The following ZNRF3 variants were observed in gnomAD, a reference collection of about 807,000 sequenced individuals.
ZNRF3 encodes E3 ubiquitin-protein ligase ZNRF3.
ZNRF3 carries 23 observed loss-of-function variants against 72.5 expected under a neutral mutation model. The observed-to-expected ratio is 0.32, with a 90% confidence interval of 0.23 to 0.45. ZNRF3 has a LOEUF of 0.45. ZNRF3 is among the 20% of genes least tolerant of loss of function. The pLI, the probability that ZNRF3 is intolerant of heterozygous loss-of-function variation, is 1.00. For synonymous variants in ZNRF3, 610 were observed against 545.3 expected, an observed-to-expected ratio of 1.12 and a Z score of -1.65; for missense variants, 1,169 against 1,272.1, an observed-to-expected ratio of 0.92 and a Z score of 1.23.
Position 29,053,914 on chromosome 22 carries a change from C to A in ZNRF3, c.*292C>A. On this transcript the variant is annotated 3_prime_UTR_variant, in exon 9 of 9. Transcript: ENST00000544604. ...GGGTTCCGAGGTGTGGGATTGAGTT[C>A]TCTGCTTTGTTTTTTTTTAAGATAT... 1 of 256,964 alleles carries A rather than the reference C, an allele frequency of 3.9e-6. No homozygotes were observed. Among genetic ancestry groups the A allele is most frequent in the Non-Finnish European group, 7.3e-6 (1 of 137,200 alleles). 15.9% of individuals were successfully genotyped at this position (256,964 alleles called of 1,614,324 possible).
intron 1 of ZNRF3, among the ~76,000 whole-genome samples, chr22:28,939,486 T>G (rs2034902750): frequency 6.6e-6 from 1 of 152,146 alleles, no homozygotes; most frequent in Non-Finnish European, 1.5e-5. Flanking sequence ...CTTGGAAAGT[T>G]CCGGATAGAA....
At chr22:28,937,191 ATATATATATATATATATATATATATTT>A (rs1434139548) in intron 1 of ZNRF3, among the ~76,000 whole-genome samples, 5 of 5,410 alleles carry the variant, frequency 9.2e-4, no homozygotes, top group Non-Finnish European at 1.6e-3. Context: ...ATATATATAT[ATATATATATATATATATATATATATTT>A]TTTTTTTTTT....
chr22:29,057,424 T>C lies in ZNRF3; in HGVS notation c.*3802T>C, dbSNP rs191941463. ...ATTTAAAACAAGTTGTAGTCTTCTA[T>C]GGTTTTGTAACAAATTGTACACATG... On this transcript the variant is annotated 3_prime_UTR_variant, in exon 9 of 9. Transcript: ENST00000544604. The C allele has an allele frequency of 6.6e-6, 1 of 151,112 alleles. No homozygotes were observed. The highest frequency in any genetic ancestry group is 2.0e-4 in the East Asian group (1 of 5,114). 9.4% of individuals were successfully genotyped at this position (151,112 alleles called of 1,614,324 possible).
At chr22:29,006,552 C>T (rs2036252837) in intron 2 of ZNRF3, among the ~76,000 whole-genome samples, 1 of 152,108 alleles carries the variant, frequency 6.6e-6, no homozygotes, top group Non-Finnish European at 1.5e-5. Context: ...CTTTCCTTAT[C>T]GTTCCTGGTT....
intron 3 of ZNRF3, 68 bp from the exon 4 acceptor site, chr22:29,043,231 C>T (rs2037000813): frequency 5.8e-6 from 9 of 1,549,982 alleles, no homozygotes; most frequent in Middle Eastern, 1.7e-4. Flanking sequence ...TCCCTCCAGC[C>T]TTTCTTTCTC....
intron 1 of ZNRF3, among the ~76,000 whole-genome samples, chr22:28,946,603 G>A (rs925515014): frequency 2.6e-5 from 4 of 152,208 alleles, no homozygotes; most frequent in Admixed American, 6.5e-5. Flanking sequence ...GGAGCTTTCT[G>A]TTTGATGGTG....
At chr22:29,023,498 A>G (rs766385398) in intron 2 of ZNRF3, among the ~76,000 whole-genome samples, 12 of 152,214 alleles carry the variant, frequency 7.9e-5, no homozygotes, top group Non-Finnish European at 1.6e-4. Flanking sequence ...GTGACTTTCA[A>G]GTGGCTCCCA....
chr22:28,884,163 G>T, intron 1 of ZNRF3, 97 bp downstream of exon 1: 1 of 955,684 alleles, frequency 1.0e-6, no homozygotes, highest in Non-Finnish European at 1.3e-6. Flanking sequence ...TGACTGGCGG[G>T]CGGGCGGGAG....
intron 1 of ZNRF3, among the ~76,000 whole-genome samples, chr22:28,898,831 C>T (rs2034049154): frequency 6.6e-6 from 1 of 151,012 alleles, no homozygotes. Flanking sequence ...TTCAATTTAG[C>T]AAACGTTTGA....
chr22:29,003,597 T>A (rs962489658), intron 2 of ZNRF3, among the ~76,000 whole-genome samples: 1 of 151,934 alleles, frequency 6.6e-6, no homozygotes, highest in Admixed American at 6.6e-5. Flanking sequence ...CCCAACACTT[T>A]GGGAAGTCAA....
intron 1 of ZNRF3, among the ~76,000 whole-genome samples, chr22:28,923,478 T>G (rs1332821976): frequency 6.6e-6 from 1 of 152,134 alleles, no homozygotes; most frequent in Non-Finnish European, 1.5e-5. Flanking sequence ...GAATAAACTT[T>G]AAAAATAGCA....
chr22:28,980,713 A>G (rs2035749758), intron 1 of ZNRF3, among the ~76,000 whole-genome samples: 1 of 152,208 alleles, frequency 6.6e-6, no homozygotes, highest in African/African-American at 2.4e-5. Flanking sequence ...ATTGTAGCTT[A>G]TTAATTATTT....
At chr22:28,907,445 A>G (rs132538) in intron 1 of ZNRF3, among the ~76,000 whole-genome samples, 151,357 of 152,274 alleles carry the variant, frequency 0.99, 75,223 homozygotes, top group East Asian at 1. Flanking sequence ...TTCTACATGA[A>G]AACTTTATGG....
At chr22:28,990,945 A>G (rs1006069867) in intron 2 of ZNRF3, among the ~76,000 whole-genome samples, 1 of 151,984 alleles carries the variant, frequency 6.6e-6, no homozygotes, top group African/African-American at 2.4e-5. Flanking sequence ...AATGCCCCAT[A>G]ACCACCACCC....
intron 2 of ZNRF3, among the ~76,000 whole-genome samples, chr22:29,041,706 G>C (rs906125824): frequency 2.0e-5 from 3 of 152,124 alleles, no homozygotes; most frequent in African/African-American, 7.2e-5. Flanking sequence ...GTGTAGCCAG[G>C]TCTGGCAGCC....
chr22:28,895,563 A>G (rs899186384), intron 1 of ZNRF3, among the ~76,000 whole-genome samples: 21 of 152,102 alleles, frequency 1.4e-4, no homozygotes, highest in African/African-American at 4.3e-4. Context: ...GCTACTCGGG[A>G]GGCTGAGGCA....
intron 2 of ZNRF3, chr22:29,024,998 T>G (rs1432691607): frequency 8.7e-6 from 1 of 114,808 alleles, no homozygotes; most frequent in Admixed American, 8.6e-5. Context: ...TTTTTTTTTT[T>G]GAAGACAGAA....
rs1025372001 is a variant in ZNRF3 at position 29,047,034 on chromosome 22, C to G, written c.912+151C>G. 4.7e-5 allele frequency: 35 copies of G among 739,266 alleles called. No homozygotes were observed. The African/African-American group carries it at 5.1e-4, about 11-fold the overall frequency. The allele number at this position is 739,266 out of a possible 1,614,324, so 45.8% of individuals were successfully genotyped here. A position where few individuals can be genotyped will look rare whatever the true frequency, so the allele number is the denominator to read the frequency against. On this transcript the variant is annotated intron_variant, in intron 6 of 8. Transcript: ENST00000544604. The stretch of plus-strand genomic sequence containing the variant: ...GAAAATTCTGAGACTTGACTTGATA[C>G]TTAGCTGGGTGTTTTTACTTACAAA...
intron 2 of ZNRF3, among the ~76,000 whole-genome samples, chr22:28,999,917 G>A (rs1401284936): frequency 1.3e-5 from 2 of 152,172 alleles, no homozygotes; most frequent in African/African-American, 4.8e-5. Context: ...TGTGAGCCTT[G>A]GTCACAAGAC....
Sources: allele counts gnomAD v4.1 joint callset (sites outside exome capture counted in the v4.1 genomes callset), GRCh38; gene constraint gnomAD v4.1.1; transcripts MANE v1.5; gene names NCBI Gene and HGNC (gene_info 2026-07-23, HGNC 2026-07-21).